ATG4C: variants seen among roughly 807,000 people sequenced by gnomAD.
ATG4C encodes cysteine protease ATG4C.
Under a neutral mutation model 57.6 loss-of-function variants are expected in ATG4C, and 56 were observed. The ratio of observed to expected loss-of-function variants is 0.97; its 90% CI spans 0.78 to 1.21. The LOEUF is 1.21. Among genes scored for constraint, ATG4C ranks in the 50% most tolerant of loss-of-function variants. The pLI, the probability that ATG4C is intolerant of heterozygous loss-of-function variation, is 0.00. For synonymous variants in ATG4C, 157 were observed against 174.1 expected (o/e 0.90, Z 0.78); for missense variants, 595 against 529.8 (o/e 1.12, Z -1.21).
Position 62,804,789 on chromosome 1 carries a change from A to T in ATG4C, c.77-383A>T, listed in dbSNP as rs1256408172. 3.3e-5 allele frequency among the ~76,000 whole-genome samples: 5 copies of T among 152,364 alleles called. No individual in the cohort carries two copies. The East Asian group carries it at 9.6e-4, about 29-fold the overall frequency. On this transcript the variant is annotated intron_variant, in intron 2 of 10. Transcript: ENST00000317868. ...AATAAGTGTGAAAACAGAATTCAGT[A>T]AAACCCCTTGATAATGCAAATTCAG... is the stretch of plus-strand genomic sequence containing the variant.
intron 3 of ATG4C, among the ~76,000 whole-genome samples, chr1:62,806,269 A>G (rs973242111): frequency 6.6e-6 from 1 of 152,148 alleles, no homozygotes; most frequent in African/African-American, 2.4e-5. Flanking sequence ...TTTAGGAGAC[A>G]GAGAGGTGTC....
At chr1:62,860,022 T>C (rs1666802577) in intron 10 of ATG4C, among the ~76,000 whole-genome samples, 1 of 152,188 alleles carries the variant, frequency 6.6e-6, no homozygotes, top group Non-Finnish European at 1.5e-5. Flanking sequence ...TTTCTATTCT[T>C]ATTCTATAAG....
At chr1:62,848,137 C>T (rs544603407) in intron 10 of ATG4C, among the ~76,000 whole-genome samples, 1 of 138,082 alleles carries the variant, frequency 7.2e-6, no homozygotes, top group Non-Finnish European at 1.6e-5. Context: ...GTCTGTTTCT[C>T]CTTTAAGTTC....
chr1:62,796,550 CT>C (rs927788801), intron 1 of ATG4C, among the ~76,000 whole-genome samples: 13 of 152,106 alleles, frequency 8.5e-5, no homozygotes, highest in Non-Finnish European at 1.5e-4. Context: ...AAAAAAATGT[CT>C]CAGCATTTTA....
At chr1:62,796,237 T>C (rs1050070416) in intron 1 of ATG4C, among the ~76,000 whole-genome samples, 4 of 148,856 alleles carry the variant, frequency 2.7e-5, no homozygotes, top group African/African-American at 9.9e-5. Context: ...TGCTCATTTG[T>C]AGTTAAACTA....
intron 1 of ATG4C, among the ~76,000 whole-genome samples, chr1:62,802,858 T>C (rs952606015): frequency 6.6e-6 from 1 of 152,222 alleles, no homozygotes; most frequent in African/African-American, 2.4e-5. Context: ...TGATGTATAA[T>C]TGGTAACTTT....
chr1:62,825,606 A>G (rs1343509869), intron 6 of ATG4C, among the ~76,000 whole-genome samples: 2 of 152,158 alleles, frequency 1.3e-5, no homozygotes, highest in African/African-American at 2.4e-5. Flanking sequence ...TTTATAATGC[A>G]GATAGTAATC....
chr1:62,837,379 G>A (rs775275368), intron 9 of ATG4C, among the ~76,000 whole-genome samples: 8 of 152,092 alleles, frequency 5.3e-5, no homozygotes, highest in Non-Finnish European at 1.2e-4. Flanking sequence ...CAGTGTGAGG[G>A]CACATTATAA....
chr1:62,852,381 A>G (rs926757237), intron 10 of ATG4C, among the ~76,000 whole-genome samples: 4 of 151,866 alleles, frequency 2.6e-5, no homozygotes, highest in African/African-American at 9.7e-5. Flanking sequence ...TTTTTTCTTC[A>G]TGAACATTAT....
chr1:62,841,556 A>G lies in ATG4C; in HGVS notation c.1209+9A>G, dbSNP rs1171861828. 5.1e-6 allele frequency: 8 copies of G among 1,557,270 alleles called. No individual in the cohort carries two copies. The highest frequency in any genetic ancestry group is 6.9e-6 in the Non-Finnish European group (8 of 1,153,080). ...CTGAAGAAATCACCAAGGTATCTTT[A>G]TTTAAAATATTATATTTGTAAATGA... On this transcript the variant is annotated intron_variant, in intron 10 of 10. Coordinates refer to ENST00000317868, the MANE Select transcript of ATG4C (RefSeq NM_032852.4).
chr1:62,847,155 C>T (rs751748415), intron 10 of ATG4C, among the ~76,000 whole-genome samples: 25 of 152,052 alleles, frequency 1.6e-4, no homozygotes, highest in East Asian at 3.9e-4. Context: ...CCAGCCTGGG[C>T]GAGAGAACGA....
chr1:62,850,854 G>GTATATATA lies in ATG4C; in HGVS notation c.1209+9348_1209+9355dup, dbSNP rs1161449502. 5.7e-4 allele frequency among the ~76,000 whole-genome samples: 48 copies of GTATATATA among 84,092 alleles called. 1 individual carries two copies. The highest frequency in any genetic ancestry group is 7.7e-4 in the Non-Finnish European group (29 of 37,834). 55.2% of individuals were successfully genotyped at this position (84,092 alleles called of 152,430 possible). On this transcript the variant is annotated intron_variant, in intron 10 of 10. Coordinates refer to ENST00000317868, the MANE Select transcript of ATG4C (RefSeq NM_032852.4). ...CATGTATGTATGTGTGTGTATGTAT[G>GTATATATA]TATATATATATATATATATATATAT... is the stretch of plus-strand genomic sequence containing the variant.
intron 7 of ATG4C, among the ~76,000 whole-genome samples, chr1:62,831,975 C>G (rs1213701531): frequency 2.6e-5 from 4 of 152,156 alleles, no homozygotes; most frequent in African/African-American, 7.2e-5. Context: ...AGAACTTTCA[C>G]TGCCTCACAG....
At chr1:62,845,953 C>T (rs1229307427) in intron 10 of ATG4C, among the ~76,000 whole-genome samples, 2 of 152,144 alleles carry the variant, frequency 1.3e-5, no homozygotes, top group South Asian at 2.1e-4. Flanking sequence ...CCTCCTGTGT[C>T]AGCCTCCCAA....
intron 10 of ATG4C, among the ~76,000 whole-genome samples, chr1:62,863,127 TTTATA>T (rs1666904733): frequency 6.6e-6 from 1 of 152,004 alleles, no homozygotes; most frequent in Admixed American, 6.6e-5. Flanking sequence ...TTTAAAATTG[TTTATA>T]TTATACTTGT....
intron 7 of ATG4C, among the ~76,000 whole-genome samples, chr1:62,831,469 A>G (rs903458125): frequency 2.0e-5 from 3 of 152,186 alleles, no homozygotes; most frequent in Non-Finnish European, 4.4e-5. Flanking sequence ...TAGTGCCAAC[A>G]TAGCATCCTG....
chr1:62,851,701 A>C (rs1161043828), intron 10 of ATG4C, among the ~76,000 whole-genome samples: 1 of 152,198 alleles, frequency 6.6e-6, no homozygotes. Flanking sequence ...TATTTCACAG[A>C]GATGACCGAA....
intron 3 of ATG4C, among the ~76,000 whole-genome samples, chr1:62,808,432 A>G (rs1664950412): frequency 6.6e-6 from 1 of 151,974 alleles, no homozygotes; most frequent in Non-Finnish European, 1.5e-5. Flanking sequence ...GGATAGACAT[A>G]TTGATTTTTT....
chr1:62,850,844 G>GTATA (rs199831751), intron 10 of ATG4C, among the ~76,000 whole-genome samples: 1,019 of 51,172 alleles, frequency 0.02, 59 homozygotes, highest in South Asian at 0.028. Flanking sequence ...ATGTATGTGT[G>GTATA]TGTATGTATG....
Sources: allele counts gnomAD v4.1 joint callset (sites outside exome capture counted in the v4.1 genomes callset), GRCh38; gene constraint gnomAD v4.1.1; transcripts MANE v1.5; gene names NCBI Gene and HGNC (gene_info 2026-07-23, HGNC 2026-07-21).